The following CD2AP variants were observed in gnomAD, a reference collection of about 807,000 sequenced individuals.
CD2AP encodes CD2-associated protein.
In CD2AP, 46 loss-of-function variants were observed where a neutral mutation model predicts 85.1. The ratio of observed to expected loss-of-function variants is 0.54; its 90% CI spans 0.43 to 0.69. The LOEUF (loss-of-function observed/expected upper bound fraction) is 0.69. Among genes scored for constraint, CD2AP ranks in the 30% least tolerant of loss-of-function variants. The probability of loss-of-function intolerance (pLI) is 0.00; values close to 1 mark genes in which losing one functional copy is unlikely to be tolerated. For synonymous variants in CD2AP, 255 were observed against 252.9 expected, an observed-to-expected ratio of 1.01 and a Z score of -0.08; for missense variants, 769 against 729.5, an observed-to-expected ratio of 1.05 and a Z score of -0.62.
intron 2 of CD2AP, among the ~76,000 whole-genome samples, chr6:47,507,321 T>C (rs1238907640): frequency 6.6e-6 from 1 of 152,230 alleles, no homozygotes; most frequent in Non-Finnish European, 1.5e-5. Context: ...CCCATTAATG[T>C]TGATATTTTT....
chr6:47,516,340 A>T (rs1260409167), intron 2 of CD2AP, among the ~76,000 whole-genome samples: 1 of 152,254 alleles, frequency 6.6e-6, no homozygotes, highest in East Asian at 1.9e-4. Flanking sequence ...GAGCATAGAA[A>T]ATCACGTTCC....
At chr6:47,549,507 A>G (rs1206600866) in intron 4 of CD2AP, among the ~76,000 whole-genome samples, 1 of 151,400 alleles carries the variant, frequency 6.6e-6, no homozygotes, top group African/African-American at 2.4e-5. Context: ...ATACCTAACC[A>G]AGGAGTCAAA....
Position 47,609,190 on chromosome 6 carries a change from T to C in CD2AP, c.1700T>C (p.Leu567Ser). 6.2e-6 allele frequency: 10 copies of C among 1,613,248 alleles called. No individual in the cohort carries two copies. The highest frequency in any genetic ancestry group is 7.6e-6 in the Non-Finnish European group (9 of 1,179,488). Residue 567 changes from leucine (L) to serine (S), a missense_variant, in exon 16 of 18, where the codon TTA becomes TCA. Leu to Ser is a moderately radical substitution (Grantham distance 145). Transcript: ENST00000359314. ...AATACAACTGCTTTCCTGACTCCAT[T>C]AGAAATCAAAGCTAAAGTGGAAACA... ...KANTTAFLTPLEIKAKVETDD... is the reference protein window; with the variant it reads ...KANTTAFLTPSEIKAKVETDD...
At chr6:47,601,205 T>G (rs1039305843) in intron 13 of CD2AP, among the ~76,000 whole-genome samples, 5 of 151,972 alleles carry the variant, frequency 3.3e-5, no homozygotes, top group Non-Finnish European at 7.4e-5. Flanking sequence ...TGGGGGACCC[T>G]ATTTCTATCT....
chr6:47,562,374 C>T (rs1767885779), intron 5 of CD2AP, among the ~76,000 whole-genome samples: 1 of 152,020 alleles, frequency 6.6e-6, no homozygotes, highest in Non-Finnish European at 1.5e-5. Context: ...AATTGTTCTA[C>T]AAAGTAGACA....
chr6:47,624,677 C>CTGTG lies in CD2AP; in HGVS notation c.*451_*452insGTGT, dbSNP rs886061523. The CTGTG allele has an allele frequency of 6.8e-4, 72 of 106,106 alleles. No homozygotes were observed. Among genetic ancestry groups the CTGTG allele is most frequent in the Non-Finnish European group, 1.1e-3 (61 of 54,896 alleles). 6.6% of individuals were successfully genotyped at this position (106,106 alleles called of 1,614,324 possible). ...TTCCATAATGCATAAGGGATATAAA[C>CTGTG]TCTGTGTGTGTGTGTGTGTGTGTGT... On this transcript the variant is annotated 3_prime_UTR_variant, in exon 18 of 18. Transcript: ENST00000359314.
At chr6:47,547,030 A>G (rs1047599931) in intron 4 of CD2AP, among the ~76,000 whole-genome samples, 1 of 152,204 alleles carries the variant, frequency 6.6e-6, no homozygotes, top group Non-Finnish European at 1.5e-5. Flanking sequence ...AAGGAGCTCT[A>G]AATCTTGAAG....
At chr6:47,615,808 T>A (rs181535499) in intron 17 of CD2AP, among the ~76,000 whole-genome samples, 2,358 of 148,940 alleles carry the variant, frequency 0.016, 46 homozygotes, top group African/African-American at 0.04. Context: ...TTTATTTATT[T>A]ATTTATTTAT....
At position 47,554,746 on chromosome 6, in the gene CD2AP, A is replaced by AT. The variant is rs1562029562; in HGVS notation, c.522dup (p.Glu175Ter). 2.5e-6 allele frequency: 4 copies of AT among 1,613,526 alleles called. No individual in the cohort carries two copies. The highest frequency in any genetic ancestry group is 1.3e-5 in the African/African-American group (1 of 75,042). ...GAGGTAACAGATGATGGTGAAACTC[A>AT]TGAAGCCCAGGACGATTCAGGTAGA... On this transcript the variant is annotated frameshift_variant, in exon 5 of 18. Transcript: ENST00000359314. LOFTEE classifies it high-confidence loss of function.
intron 3 of CD2AP, among the ~76,000 whole-genome samples, chr6:47,534,613 G>T (rs1023840287): frequency 1.3e-5 from 2 of 152,130 alleles, no homozygotes; most frequent in African/African-American, 4.8e-5. Flanking sequence ...ACTGAGGCAG[G>T]AGAATCACTT....
intron 1 of CD2AP, among the ~76,000 whole-genome samples, chr6:47,484,361 T>C (rs1765515594): frequency 6.6e-6 from 1 of 152,054 alleles, no homozygotes; most frequent in Non-Finnish European, 1.5e-5. Context: ...CTTTTTTTTT[T>C]TTTTGTTATG....
chr6:47,478,274 G>A, intron 1 of CD2AP, 26 bp downstream of exon 1: 1 of 1,566,968 alleles, frequency 6.4e-7, no homozygotes, highest in Non-Finnish European at 8.6e-7. Context: ...GCTTCCCGCC[G>A]CCCGTCCGGA....
intron 11 of CD2AP, among the ~76,000 whole-genome samples, chr6:47,582,913 G>T (rs1285465891): frequency 6.6e-6 from 1 of 151,536 alleles, no homozygotes; most frequent in Non-Finnish European, 1.5e-5. Flanking sequence ...CTCCTGAGTA[G>T]CTGGGACTAC....
At chr6:47,545,392 C>T (rs1489692569) in intron 4 of CD2AP, among the ~76,000 whole-genome samples, 3 of 152,138 alleles carry the variant, frequency 2.0e-5, no homozygotes, top group African/African-American at 2.4e-5. Context: ...TAGCCCCGCC[C>T]GCACCTAATG....
chr6:47,591,251 A>G (rs13198881), intron 11 of CD2AP, among the ~76,000 whole-genome samples: 20,921 of 152,150 alleles, frequency 0.14, 1,691 homozygotes, highest in Non-Finnish European at 0.18. Flanking sequence ...CAGGTGGGGT[A>G]GTGATTGGGA....
chr6:47,538,658 C>T (rs1468255869), intron 3 of CD2AP, among the ~76,000 whole-genome samples: 1 of 152,092 alleles, frequency 6.6e-6, no homozygotes, highest in Non-Finnish European at 1.5e-5. Flanking sequence ...GGTCAAAAAT[C>T]CTTTTGCTGT....
intron 5 of CD2AP, among the ~76,000 whole-genome samples, chr6:47,555,604 A>G (rs1249004011): frequency 1.3e-5 from 2 of 152,204 alleles, no homozygotes; most frequent in Non-Finnish European, 2.9e-5. Context: ...AATATTAAAA[A>G]TAATGAGATG....
chr6:47,555,756 T>C (rs1341257186), intron 5 of CD2AP, among the ~76,000 whole-genome samples: 1 of 152,158 alleles, frequency 6.6e-6, no homozygotes, highest in Non-Finnish European at 1.5e-5. Flanking sequence ...AACTGTGCCT[T>C]GGTTGTCTTT....
chr6:47,595,736 A>G, intron 11 of CD2AP, 125 bp from the exon 12 acceptor site: 1 of 715,456 alleles, frequency 1.4e-6, no homozygotes, highest in Non-Finnish European at 2.4e-6. Context: ...CATGTATACA[A>G]ATACAGAGAA....
Sources: allele counts gnomAD v4.1 joint callset (sites outside exome capture counted in the v4.1 genomes callset), GRCh38; gene constraint gnomAD v4.1.1; transcripts MANE v1.5; gene names NCBI Gene and HGNC (gene_info 2026-07-23, HGNC 2026-07-21).